The following MSRA variants were observed in gnomAD, a reference collection of about 807,000 sequenced individuals.
The protein encoded by MSRA is methionine sulfoxide reductase A.
A neutral mutation model predicts 31.3 loss-of-function variants in MSRA; 54 were observed. The observed-to-expected ratio is 1.73, with a 90% CI of 1.39 to 2.17. The LOEUF is 2.17. Among genes scored for constraint, MSRA ranks in the 30% most tolerant of loss-of-function variants. The pLI, the probability that MSRA is intolerant of heterozygous loss-of-function variation, is 0.00. For synonymous variants in MSRA, 169 were observed against 116.5 expected, an observed-to-expected ratio of 1.45 and a Z score of -2.90; for missense variants, 507 against 300.9, an observed-to-expected ratio of 1.69 and a Z score of -5.07.
chr8:10,152,250 T>C lies in MSRA; in HGVS notation c.143-55583T>C, dbSNP rs146562597. Among the ~76,000 whole-genome samples the C allele has an allele frequency of 6.3e-4, 96 of 152,366 alleles. 1 individual carries two copies. Among genetic ancestry groups the C allele is most frequent in the Non-Finnish European group, 2.2e-4 (15 of 68,038 alleles). On this transcript the variant is annotated intron_variant, in intron 1 of 5. Transcript: ENST00000317173. ...GTATATGTGTGTATCTAAAAACATA[T>C]ATAAACACATGTATACGTATGTATA...
chr8:10,095,686 C>T (rs987252502), intron 1 of MSRA: 3 of 1,020,524 alleles, frequency 2.9e-6, no homozygotes, highest in Admixed American at 5.8e-5. Flanking sequence ...GGAAAGAAAA[C>T]CGTCCTGGGG....
At chr8:10,154,668 C>T (rs1384510800) in intron 1 of MSRA, among the ~76,000 whole-genome samples, 8 of 152,082 alleles carry the variant, frequency 5.3e-5, no homozygotes, top group Middle Eastern at 3.2e-3. Context: ...TGAGCCACCG[C>T]GTCCAGCCAG....
At chr8:10,419,114 C>T (rs1251891088) in intron 5 of MSRA, among the ~76,000 whole-genome samples, 2 of 152,190 alleles carry the variant, frequency 1.3e-5, no homozygotes, top group African/African-American at 2.4e-5. Context: ...GCATCAGCAT[C>T]TCTAGAGCCA....
chr8:10,248,697 G>C (rs1797759524), intron 3 of MSRA, among the ~76,000 whole-genome samples: 1 of 152,214 alleles, frequency 6.6e-6, no homozygotes, highest in Admixed American at 6.5e-5. Context: ...GTTGTGACTA[G>C]GCATATAGAA....
At chr8:10,381,033 T>C (rs1052343566) in intron 5 of MSRA, among the ~76,000 whole-genome samples, 2 of 151,756 alleles carry the variant, frequency 1.3e-5, no homozygotes, top group Non-Finnish European at 2.9e-5. Flanking sequence ...AATGGATGGA[T>C]GGATAAATGA....
At chr8:10,215,230 T>G (rs1809883623) in intron 2 of MSRA, among the ~76,000 whole-genome samples, 1 of 152,184 alleles carries the variant, frequency 6.6e-6, no homozygotes, top group Non-Finnish European at 1.5e-5. Context: ...ACAAAAAGGT[T>G]ATGGAGGAGT....
chr8:10,413,807 T>C (rs976569967), intron 5 of MSRA, among the ~76,000 whole-genome samples: 1 of 152,012 alleles, frequency 6.6e-6, no homozygotes, highest in Non-Finnish European at 1.5e-5. Flanking sequence ...GAATTTAAAA[T>C]GGGGGAAAAA....
intron 5 of MSRA, among the ~76,000 whole-genome samples, chr8:10,358,916 G>C (rs567115913): frequency 4.7e-4 from 72 of 152,274 alleles, no homozygotes; most frequent in African/African-American, 1.6e-3. Context: ...GAACCCTATT[G>C]TGAACTGCAC....
At chr8:10,179,461 G>T (rs1806349189) in intron 1 of MSRA, among the ~76,000 whole-genome samples, 1 of 152,180 alleles carries the variant, frequency 6.6e-6, no homozygotes, top group Admixed American at 6.5e-5. Context: ...TATTGCATCT[G>T]TGTATTTCAG....
chr8:10,364,908 A>G (rs1805068570), intron 5 of MSRA, among the ~76,000 whole-genome samples: 1 of 152,150 alleles, frequency 6.6e-6, no homozygotes, highest in African/African-American at 2.4e-5. Flanking sequence ...CCTCCCCAAA[A>G]TATCATTCAT....
chr8:10,170,962 G>C (rs1264420286), intron 1 of MSRA, among the ~76,000 whole-genome samples: 5 of 152,190 alleles, frequency 3.3e-5, no homozygotes, highest in Non-Finnish European at 4.4e-5. Context: ...GCATGATGTT[G>C]CATAGGCGTG....
chr8:10,378,838 A>C (rs1279628716), intron 5 of MSRA, among the ~76,000 whole-genome samples: 1 of 152,250 alleles, frequency 6.6e-6, no homozygotes, highest in Non-Finnish European at 1.5e-5. Context: ...TGTGAGAGCC[A>C]CTGCATCAGA....
chr8:10,197,735 G>T (rs1470315940), intron 1 of MSRA, among the ~76,000 whole-genome samples: 2 of 152,140 alleles, frequency 1.3e-5, no homozygotes, highest in Non-Finnish European at 2.9e-5. Context: ...TTGCTCAGAA[G>T]CCCTCTCCAA....
chr8:10,347,875 C>T (rs570529209), intron 5 of MSRA, among the ~76,000 whole-genome samples: 7 of 152,214 alleles, frequency 4.6e-5, no homozygotes, highest in Non-Finnish European at 8.8e-5. Flanking sequence ...AATGACTGAA[C>T]ATTCCCTTGT....
At chr8:10,104,414 C>T (rs538291303) in intron 1 of MSRA, among the ~76,000 whole-genome samples, 20 of 152,202 alleles carry the variant, frequency 1.3e-4, no homozygotes, top group South Asian at 8.3e-4. Flanking sequence ...GGTTTTATAC[C>T]TTTTAGGGAG....
chr8:10,200,811 G>A (rs934129545), intron 1 of MSRA, among the ~76,000 whole-genome samples: 2 of 152,182 alleles, frequency 1.3e-5, no homozygotes, highest in African/African-American at 4.8e-5. Flanking sequence ...CCCTGGGCAT[G>A]TATGACTAGA....
At chr8:10,287,882 C>T (rs1182078438) in intron 3 of MSRA, among the ~76,000 whole-genome samples, 3 of 152,150 alleles carry the variant, frequency 2.0e-5, no homozygotes, top group Admixed American at 2.0e-4. Flanking sequence ...GACTACCCTT[C>T]TCCAGCAGTA....
In MSRA at chr8:10,209,068, A is replaced by G. The variant is rs1483030886; in HGVS notation, c.211+1167A>G. 6.6e-5 allele frequency among the ~76,000 whole-genome samples: 10 copies of G among 152,236 alleles called. No individual in the cohort carries two copies. The South Asian group carries it at 2.1e-3, about 32-fold the overall frequency. On this transcript the variant is annotated intron_variant, in intron 2 of 5. Coordinates refer to ENST00000317173, the MANE Select transcript of MSRA (RefSeq NM_012331.5). Reference sequence around the variant, plus strand: ...TGGTAAATCATGCTCTGTGTAGGCTATCACCTTTTAAAACATACTGATCAG... The same window carrying G: ...TGGTAAATCATGCTCTGTGTAGGCTGTCACCTTTTAAAACATACTGATCAG...
At chr8:10,163,201 A>G (rs1563169017) in intron 1 of MSRA, among the ~76,000 whole-genome samples, 1 of 152,190 alleles carries the variant, frequency 6.6e-6, no homozygotes, top group African/African-American at 2.4e-5. Flanking sequence ...CAGAACCATG[A>G]GAAATACACT....
Sources: allele counts gnomAD v4.1 joint callset (sites outside exome capture counted in the v4.1 genomes callset), GRCh38; gene constraint gnomAD v4.1.1; transcripts MANE v1.5; gene names NCBI Gene and HGNC (gene_info 2026-07-23, HGNC 2026-07-21).